Variants in CREB5 observed in about 807,000 individuals in gnomAD.
CREB5 encodes cAMP responsive element binding protein 5.
CREB5 carries 19 observed loss-of-function variants against 57.1 expected under a neutral mutation model. The observed-to-expected ratio is 0.33, with a 90% confidence interval of 0.23 to 0.49. The LOEUF is 0.49. Ranked by LOEUF, CREB5 falls within the 20% of genes least tolerant of loss-of-function variation. The pLI is 0.99. For synonymous variants in CREB5, 238 were observed against 238.3 expected, an observed-to-expected ratio of 1.00 and a Z score of 0.01; for missense variants, 579 against 671.6, an observed-to-expected ratio of 0.86 and a Z score of 1.52.
chr7:28,560,811 T>TGCGCGCGCGC, intron 4 of CREB5, among the ~76,000 whole-genome samples: 1 of 34,476 alleles, frequency 2.9e-5, no homozygotes, highest in South Asian at 1.4e-3. Flanking sequence ...TGTGTGCGCG[T>TGCGCGCGCGC]GTGTGTGTGT....
At chr7:28,516,239 AT>A (rs1415537024) in intron 4 of CREB5, among the ~76,000 whole-genome samples, 1 of 152,020 alleles carries the variant, frequency 6.6e-6, no homozygotes, top group Non-Finnish European at 1.5e-5. Context: ...AAAGAAAACA[AT>A]TGTTCTTGAA....
intron 9 of CREB5, among the ~76,000 whole-genome samples, chr7:28,813,524 A>C (rs1389728389): frequency 6.6e-6 from 1 of 152,240 alleles, no homozygotes; most frequent in Non-Finnish European, 1.5e-5. Flanking sequence ...TCTTTGTTTC[A>C]GAGTGAACCA....
chr7:28,802,816 T>C (rs1808451626), intron 7 of CREB5, among the ~76,000 whole-genome samples: 1 of 152,226 alleles, frequency 6.6e-6, no homozygotes, highest in East Asian at 1.9e-4. Flanking sequence ...TTTTGTCCAG[T>C]GTATGAGCTA....
At chr7:28,700,020 C>T (rs973940931) in intron 5 of CREB5, among the ~76,000 whole-genome samples, 1 of 152,196 alleles carries the variant, frequency 6.6e-6, no homozygotes, top group East Asian at 1.9e-4. Context: ...ACAAGGGCAT[C>T]ACCTAAATGG....
Position 28,412,903 on chromosome 7 carries a change from A to G in CREB5, c.-12A>G, listed in dbSNP as rs1787863017. The G allele has an allele frequency of 6.7e-7, 1 of 1,494,674 alleles. No individual in the cohort carries two copies. The highest frequency in any genetic ancestry group is 8.9e-7 in the Non-Finnish European group (1 of 1,119,282). The allele number at this position is 1,494,674 out of a possible 1,614,324, so 92.6% of individuals were successfully genotyped here. ...CAGGAAGCAACACGTTGCTGCTTTT[A>G]TTCTACAGATAATGGTAAGGATGAT... On this transcript the variant is annotated 5_prime_UTR_variant, in exon 1 of 11. Coordinates refer to ENST00000357727, the MANE Select transcript of CREB5 (RefSeq NM_182898.4).
intron 5 of CREB5, among the ~76,000 whole-genome samples, chr7:28,718,234 G>A (rs1215299405): frequency 6.6e-6 from 1 of 152,234 alleles, no homozygotes; most frequent in Non-Finnish European, 1.5e-5. Context: ...ATTCACAGTG[G>A]AGAACGCTGA....
intron 5 of CREB5, among the ~76,000 whole-genome samples, chr7:28,611,618 G>T (rs1237092091): frequency 1.3e-5 from 2 of 150,674 alleles, no homozygotes; most frequent in Non-Finnish European, 3.0e-5. Flanking sequence ...AGAGGTTGCA[G>T]TAAGCTGAGA....
intron 7 of CREB5, among the ~76,000 whole-genome samples, chr7:28,797,960 G>A (rs1430669015): frequency 2.0e-5 from 3 of 149,196 alleles, no homozygotes; most frequent in African/African-American, 2.5e-5. Context: ...TTTGGAAAGT[G>A]AAAAAAAAAA....
chr7:28,319,954 A>G (rs900837590), intron 1 of CREB5, among the ~76,000 whole-genome samples: 1 of 151,744 alleles, frequency 6.6e-6, no homozygotes, highest in African/African-American at 2.4e-5. Flanking sequence ...TTTTTGAGAC[A>G]AGTTCTCGCT....
At chr7:28,670,655 T>C (rs1339073212) in intron 5 of CREB5, among the ~76,000 whole-genome samples, 1 of 152,188 alleles carries the variant, frequency 6.6e-6, no homozygotes, top group Non-Finnish European at 1.5e-5. Context: ...AAGTTTGTCT[T>C]TAATTCTACA....
At chr7:28,324,931 G>A (rs113855189) in intron 1 of CREB5, among the ~76,000 whole-genome samples, 89 of 152,270 alleles carry the variant, frequency 5.8e-4, no homozygotes, top group African/African-American at 2.1e-3. Context: ...CTATCTTGAT[G>A]TTCTCTTTTC....
intron 1 of CREB5, among the ~76,000 whole-genome samples, chr7:28,434,461 A>T (rs1788859844): frequency 6.6e-6 from 1 of 152,130 alleles, no homozygotes; most frequent in African/African-American, 2.4e-5. Flanking sequence ...ACCCCATGCT[A>T]GGTGAATTTC....
intron 1 of CREB5, among the ~76,000 whole-genome samples, chr7:28,366,680 G>T (rs1382369126): frequency 6.6e-6 from 1 of 152,192 alleles, no homozygotes; most frequent in African/African-American, 2.4e-5. Flanking sequence ...ACTCAGTTAA[G>T]TTCTCCTCCA....
intron 1 of CREB5, among the ~76,000 whole-genome samples, chr7:28,333,759 G>A (rs1437401046): frequency 6.6e-6 from 1 of 152,148 alleles, no homozygotes; most frequent in Non-Finnish European, 1.5e-5. Context: ...GTACTCCATT[G>A]TGTATATGTA....
At chr7:28,358,585 G>T (rs1786395545) in intron 1 of CREB5, among the ~76,000 whole-genome samples, 1 of 152,168 alleles carries the variant, frequency 6.6e-6, no homozygotes, top group African/African-American at 2.4e-5. Context: ...CTTTTGTTTT[G>T]CTTTTAAGTC....
intron 1 of CREB5, among the ~76,000 whole-genome samples, chr7:28,357,662 T>A (rs986331620): frequency 1.3e-5 from 2 of 152,248 alleles, no homozygotes; most frequent in African/African-American, 2.4e-5. Flanking sequence ...TGTGCATGGA[T>A]GTATGTCACT....
intron 1 of CREB5, among the ~76,000 whole-genome samples, chr7:28,380,766 C>T (rs1328135515): frequency 1.3e-5 from 2 of 152,150 alleles, no homozygotes; most frequent in Non-Finnish European, 2.9e-5. Context: ...GCAGTGTGAA[C>T]TTCAATGGCC....
intron 1 of CREB5, among the ~76,000 whole-genome samples, chr7:28,390,529 C>G (rs1379323752): frequency 6.6e-6 from 1 of 152,156 alleles, no homozygotes; most frequent in Non-Finnish European, 1.5e-5. Context: ...CAAAACTCTT[C>G]TAGATACTGA....
At chr7:28,429,666 G>T (rs1788639256) in intron 1 of CREB5, among the ~76,000 whole-genome samples, 1 of 152,152 alleles carries the variant, frequency 6.6e-6, no homozygotes, top group African/African-American at 2.4e-5. Flanking sequence ...ACTCTGAAAA[G>T]AAAAGGAATT....
Sources: allele counts gnomAD v4.1 joint callset (sites outside exome capture counted in the v4.1 genomes callset), GRCh38; gene constraint gnomAD v4.1.1; transcripts MANE v1.5; gene names NCBI Gene and HGNC (gene_info 2026-07-23, HGNC 2026-07-21).